Variants in STX8 observed in about 807,000 individuals in gnomAD.
STX8 encodes the protein syntaxin 8, also known as syntaxin-8.
In STX8, 23 loss-of-function variants were observed where a neutral mutation model predicts 37.5. The ratio of observed to expected loss-of-function variants is 0.61; its 90% CI spans 0.44 to 0.87. STX8 has a LOEUF of 0.87. Among genes scored for constraint, STX8 ranks in the 40% least tolerant of loss-of-function variants. STX8 has a pLI of 0.00. For synonymous variants in STX8, 115 were observed against 99.1 expected, an observed-to-expected ratio of 1.16 and a Z score of -0.95; for missense variants, 313 against 284.7, an observed-to-expected ratio of 1.10 and a Z score of -0.71.
At chr17:9,441,672 C>CTTTTTTTT (rs1161609414) in intron 6 of STX8, among the ~76,000 whole-genome samples, 1 of 93,250 alleles carries the variant, frequency 1.1e-5, no homozygotes, top group Non-Finnish European at 2.2e-5. Flanking sequence ...AGCACCATGG[C>CTTTTTTTT]TTTTTTTTTT....
At chr17:9,481,959 TG>T (rs1333331389) in intron 6 of STX8, among the ~76,000 whole-genome samples, 1 of 152,158 alleles carries the variant, frequency 6.6e-6, no homozygotes, top group Non-Finnish European at 1.5e-5. Flanking sequence ...AACTGGTCCC[TG>T]GTGCCAAAAA....
chr17:9,322,212 C>A (rs576113490), intron 7 of STX8, among the ~76,000 whole-genome samples: 1 of 152,208 alleles, frequency 6.6e-6, no homozygotes, highest in Non-Finnish European at 1.5e-5. Flanking sequence ...GGCGGGTTAG[C>A]GGTCATCTCA....
intron 7 of STX8, among the ~76,000 whole-genome samples, chr17:9,348,181 T>C (rs1424183479): frequency 6.6e-6 from 1 of 151,984 alleles, no homozygotes; most frequent in African/African-American, 2.4e-5. Context: ...ATCCCAGCAC[T>C]TTGGGAAGCC....
intron 6 of STX8, among the ~76,000 whole-genome samples, chr17:9,458,363 A>C (rs1254115919): frequency 4.6e-5 from 7 of 152,094 alleles, no homozygotes; most frequent in Non-Finnish European, 7.4e-5. Context: ...GTCAGCCAGG[A>C]TGGTGTCGAT....
intron 6 of STX8, among the ~76,000 whole-genome samples, chr17:9,386,419 T>A (rs1295532364): frequency 6.6e-6 from 1 of 151,998 alleles, no homozygotes; most frequent in Non-Finnish European, 1.5e-5. Flanking sequence ...GCCTCTGGGG[T>A]GCTTGACTAG....
At chr17:9,262,067 T>C (rs560373740) in intron 7 of STX8, among the ~76,000 whole-genome samples, 1 of 152,334 alleles carries the variant, frequency 6.6e-6, no homozygotes, top group East Asian at 1.9e-4. Flanking sequence ...AGGGTATTAC[T>C]ACCAAAGTTC....
chr17:9,546,923 G>T (rs1906552471), intron 3 of STX8, among the ~76,000 whole-genome samples: 1 of 151,038 alleles, frequency 6.6e-6, no homozygotes, highest in African/African-American at 2.4e-5. Context: ...TTGTTTTTAG[G>T]CTGAACTGTG....
chr17:9,253,681 GA>G (rs1368782191), intron 7 of STX8, among the ~76,000 whole-genome samples: 1 of 152,094 alleles, frequency 6.6e-6, no homozygotes, highest in African/African-American at 2.4e-5. Context: ...TACTGCTCCT[GA>G]AGCTCCAGTG....
intron 6 of STX8, among the ~76,000 whole-genome samples, chr17:9,379,162 T>G (rs1218200124): frequency 6.6e-6 from 1 of 151,194 alleles, no homozygotes; most frequent in East Asian, 1.9e-4. Context: ...GGAGAATCGC[T>G]TGAACCCGGG....
rs551148935 is a variant in STX8, at chr17:9,418,140, C to T, written c.542-39487G>A. 6.4e-4 allele frequency among the ~76,000 whole-genome samples: 97 copies of T among 152,260 alleles called. 2 individuals are homozygous for T. The highest frequency in any genetic ancestry group is 2.2e-3 in the African/African-American group (92 of 41,552). ...CTGAAGTAAGGGCAGCCTTGTGAGA[C>T]GGAGCCCTTCAAACTGTGGAGTCTG... On this transcript the variant is annotated intron_variant, in intron 6 of 7. Coordinates refer to ENST00000306357, the MANE Select transcript of STX8 (RefSeq NM_004853.3).
At chr17:9,395,039 G>A (rs2142309405) in intron 6 of STX8, among the ~76,000 whole-genome samples, 1 of 150,414 alleles carries the variant, frequency 6.6e-6, no homozygotes, top group Admixed American at 6.6e-5. Context: ...TTGCGCCACT[G>A]CACTCCAGCC....
intron 6 of STX8, among the ~76,000 whole-genome samples, chr17:9,479,316 C>A (rs1329591049): frequency 2.0e-5 from 3 of 152,004 alleles, no homozygotes; most frequent in African/African-American, 4.8e-5. Context: ...GGTGGATCAC[C>A]TGAGGTCAGG....
intron 7 of STX8, among the ~76,000 whole-genome samples, chr17:9,294,831 T>C (rs1232333063): frequency 2.0e-5 from 3 of 152,194 alleles, no homozygotes; most frequent in African/African-American, 7.2e-5. Flanking sequence ...ACTAGTCCAA[T>C]AGGACTGATG....
chr17:9,535,424 C>CTTTTTTTTTTTTTTTTTTTTTTTTTT lies in STX8; in HGVS notation c.323+9722_323+9747dup, dbSNP rs35962202. On this transcript the variant is annotated intron_variant, in intron 4 of 7. Coordinates refer to ENST00000306357, the MANE Select transcript of STX8 (RefSeq NM_004853.3). ...CATACCCTCTGACCCAGCCATCCTACTTTTTTTTTTTTTTTTTTTTTTTTT... is the reference window on the plus strand; with the variant it reads ...CATACCCTCTGACCCAGCCATCCTACTTTTTTTTTTTTTTTTTTTTTTTTTTTTTTTTTTTTTTTTTTTTTTTTTTT... 7.8e-4 allele frequency among the ~76,000 whole-genome samples: 40 copies of CTTTTTTTTTTTTTTTTTTTTTTTTTT among 51,562 alleles called. 9 individuals are homozygous for CTTTTTTTTTTTTTTTTTTTTTTTTTT. Among genetic ancestry groups the CTTTTTTTTTTTTTTTTTTTTTTTTTT allele is most frequent in the East Asian group, 1.7e-3 (2 of 1,206 alleles). The allele number at this position is 51,562 out of a possible 152,430, so 33.8% of individuals were successfully genotyped here.
At chr17:9,286,226 G>A (rs531908183) in intron 7 of STX8, among the ~76,000 whole-genome samples, 15 of 152,304 alleles carry the variant, frequency 9.8e-5, no homozygotes, top group South Asian at 2.1e-4. Context: ...GTATGAAAAC[G>A]AAAGTTATTT....
intron 7 of STX8, among the ~76,000 whole-genome samples, chr17:9,264,902 C>A (rs1460757629): frequency 6.6e-6 from 1 of 151,462 alleles, no homozygotes; most frequent in African/African-American, 2.4e-5. Flanking sequence ...TCTCTTGGGC[C>A]CAGGAGTTTG....
chr17:9,306,729 C>G (rs968233553), intron 7 of STX8, among the ~76,000 whole-genome samples: 1 of 151,664 alleles, frequency 6.6e-6, no homozygotes. Context: ...AGCAGTACTA[C>G]ACTCACGCCT....
chr17:9,482,526 G>A (rs1037189189), intron 6 of STX8, among the ~76,000 whole-genome samples: 2 of 152,144 alleles, frequency 1.3e-5, no homozygotes, highest in African/African-American at 4.8e-5. Context: ...ACCAGTACAT[G>A]ATTAATTCCA....
chr17:9,363,615 C>T (rs191480592), intron 7 of STX8, among the ~76,000 whole-genome samples: 228 of 152,254 alleles, frequency 1.5e-3, no homozygotes, highest in Non-Finnish European at 2.5e-3. Flanking sequence ...CCAGAAAACG[C>T]GTACAAACAT....
Sources: allele counts gnomAD v4.1 joint callset (sites outside exome capture counted in the v4.1 genomes callset), GRCh38; gene constraint gnomAD v4.1.1; transcripts MANE v1.5; gene names NCBI Gene and HGNC (gene_info 2026-07-23, HGNC 2026-07-21).